Variants in ADAMTSL1 observed in about 807,000 individuals in gnomAD.
The protein encoded by ADAMTSL1 is ADAMTS like 1.
In ADAMTSL1, 126 loss-of-function variants were observed where a neutral mutation model predicts 201.8. The ratio of observed to expected loss-of-function variants is 0.62; its 90% CI spans 0.54 to 0.72. The LOEUF (loss-of-function observed/expected upper bound fraction) is 0.72. Ranked by LOEUF, ADAMTSL1 falls within the 30% of genes least tolerant of loss-of-function variation. The pLI is 0.00. For synonymous variants in ADAMTSL1, 1,121 were observed against 903.4 expected, an observed-to-expected ratio of 1.24 and a Z score of -4.32; for missense variants, 2,679 against 2,277.8, an observed-to-expected ratio of 1.18 and a Z score of -3.59.
intron 2 of ADAMTSL1, among the ~76,000 whole-genome samples, chr9:18,258,915 A>G (rs1390263351): frequency 6.6e-6 from 1 of 152,124 alleles, no homozygotes; most frequent in Non-Finnish European, 1.5e-5. Flanking sequence ...GTCAGCAATG[A>G]CCTTCATCTT....
chr9:17,966,594 G>T (rs1046414248), intron 1 of ADAMTSL1, among the ~76,000 whole-genome samples: 39 of 152,176 alleles, frequency 2.6e-4, no homozygotes, highest in African/African-American at 9.1e-4. Context: ...ATATAGTTTA[G>T]TCTTGCCCTT....
At chr9:18,309,594 A>T (rs1834036950) in intron 2 of ADAMTSL1, among the ~76,000 whole-genome samples, 1 of 152,142 alleles carries the variant, frequency 6.6e-6, no homozygotes, top group Non-Finnish European at 1.5e-5. Context: ...AAATTGCTAC[A>T]AAGAGAATAA....
chr9:18,630,587 G>A (rs1826695968), intron 5 of ADAMTSL1, among the ~76,000 whole-genome samples: 1 of 152,138 alleles, frequency 6.6e-6, no homozygotes, highest in African/African-American at 2.4e-5. Context: ...TGTAGCCTAG[G>A]AACTCTATCA....
intron 2 of ADAMTSL1, among the ~76,000 whole-genome samples, chr9:18,226,896 TATAAA>T (rs1348432748): frequency 1.3e-5 from 2 of 152,130 alleles, no homozygotes; most frequent in Non-Finnish European, 2.9e-5. Context: ...TTGACACAGT[TATAAA>T]ATATAATTTT....
Position 18,533,257 on chromosome 9 carries a change from G to A in ADAMTSL1, c.202G>A (p.Gly68Arg). ...CTTTTTGCAACTTAGGAGCTGTGAAGGAAGAAATATCCGATACAGAACATG... is the reference window on the plus strand; with the variant it reads ...CTTTTTGCAACTTAGGAGCTGTGAAAGAAGAAATATCCGATACAGAACATG... ...RRCLSSKSCE[G>R]RNIRYRTCSN... The change falls in exon 3 of 29, where the codon GGA becomes AGA. Residue 68 changes from glycine to arginine, a missense_variant. Transcript: ENST00000380548. The A allele has an allele frequency of 6.2e-7, 1 of 1,606,212 alleles. No homozygotes were observed.
intron 1 of ADAMTSL1, among the ~76,000 whole-genome samples, chr9:18,048,720 A>T (rs1464303521): frequency 6.6e-6 from 1 of 152,190 alleles, no homozygotes; most frequent in African/African-American, 2.4e-5. Context: ...AGACATCGTG[A>T]GTTGCTTTCC....
chr9:18,894,791 G>C (rs1391976574), intron 26 of ADAMTSL1, among the ~76,000 whole-genome samples: 1 of 152,134 alleles, frequency 6.6e-6, no homozygotes, highest in Non-Finnish European at 1.5e-5. Context: ...TGGTGGCTAA[G>C]AATCATAGAT....
At chr9:18,737,001 C>G (rs1289587847) in intron 15 of ADAMTSL1, among the ~76,000 whole-genome samples, 2 of 152,186 alleles carry the variant, frequency 1.3e-5, no homozygotes, top group African/African-American at 2.4e-5. Context: ...ATAGAACTCT[C>G]TCTGCCTGAA....
chr9:18,405,774 A>G (rs935170236), intron 2 of ADAMTSL1, among the ~76,000 whole-genome samples: 2 of 152,232 alleles, frequency 1.3e-5, no homozygotes, highest in South Asian at 4.1e-4. Context: ...CTTTAAAAAG[A>G]CAGGGAGGAA....
At chr9:18,437,139 G>A (rs770986929) in intron 2 of ADAMTSL1, among the ~76,000 whole-genome samples, 1 of 151,800 alleles carries the variant, frequency 6.6e-6, no homozygotes, top group Non-Finnish European at 1.5e-5. Flanking sequence ...GACACTCTGC[G>A]CATCAAAACT....
chr9:18,756,862 G>A (rs533472165), intron 16 of ADAMTSL1, among the ~76,000 whole-genome samples: 3 of 152,280 alleles, frequency 2.0e-5, no homozygotes, highest in African/African-American at 7.2e-5. Context: ...TCTCTTTCTG[G>A]GGGGAAGAAA....
intron 2 of ADAMTSL1, among the ~76,000 whole-genome samples, chr9:18,324,602 TAAAA>T (rs759235848): frequency 6.6e-6 from 1 of 151,838 alleles, no homozygotes; most frequent in Non-Finnish European, 1.5e-5. Flanking sequence ...TCGTCTCTAC[TAAAA>T]ATACAAAATT....
intron 2 of ADAMTSL1, among the ~76,000 whole-genome samples, chr9:18,212,624 C>T (rs923181470): frequency 2.0e-5 from 3 of 152,110 alleles, no homozygotes; most frequent in Admixed American, 6.5e-5. Context: ...ATTGCAAATC[C>T]ATATGCAAAT....
intron 2 of ADAMTSL1, among the ~76,000 whole-genome samples, chr9:18,337,881 G>C (rs1043589007): frequency 4.6e-5 from 7 of 152,088 alleles, no homozygotes; most frequent in Non-Finnish European, 1.5e-5. Flanking sequence ...TTGGAAATCA[G>C]CCAAACTTTC....
intron 1 of ADAMTSL1, among the ~76,000 whole-genome samples, chr9:17,991,309 A>G (rs1229171620): frequency 1.3e-5 from 2 of 152,166 alleles, no homozygotes; most frequent in East Asian, 3.9e-4. Context: ...ATCTATGACC[A>G]TCTATTTAAA....
chr9:18,465,802 G>A (rs938058961), intron 2 of ADAMTSL1, among the ~76,000 whole-genome samples: 2 of 152,234 alleles, frequency 1.3e-5, no homozygotes, highest in Non-Finnish European at 1.5e-5. Flanking sequence ...AGGCTGGGGT[G>A]CAGTGGCACG....
rs186504878 is a variant in ADAMTSL1 at position 18,746,589 on chromosome 9, C to T, written c.2007-6709C>T. On this transcript the variant is annotated intron_variant, in intron 15 of 28. Coordinates refer to ENST00000380548, the MANE Select transcript of ADAMTSL1 (RefSeq NM_001040272.6). ...TAAAGAAAAACTTTGCTGCAAAAGT[C>T]GAGGTAAAAGAAGGTTCTTAGGGCA... 7.7e-4 allele frequency among the ~76,000 whole-genome samples: 117 copies of T among 152,156 alleles called. 3 individuals are homozygous for T. The highest frequency in any genetic ancestry group is 6.8e-3 in the Middle Eastern group (2 of 294).
intron 15 of ADAMTSL1, among the ~76,000 whole-genome samples, chr9:18,750,221 A>G (rs1819388617): frequency 6.6e-6 from 1 of 152,166 alleles, no homozygotes; most frequent in Non-Finnish European, 1.5e-5. Flanking sequence ...TTTTCATAAA[A>G]TGGACCCAGA....
intron 2 of ADAMTSL1, among the ~76,000 whole-genome samples, chr9:18,231,418 T>G (rs749582576): frequency 6.6e-6 from 1 of 152,178 alleles, no homozygotes; most frequent in Non-Finnish European, 1.5e-5. Context: ...ACTTGACAGG[T>G]TGACCAACCC....
Sources: allele counts gnomAD v4.1 joint callset (sites outside exome capture counted in the v4.1 genomes callset), GRCh38; gene constraint gnomAD v4.1.1; transcripts MANE v1.5; gene names NCBI Gene and HGNC (gene_info 2026-07-23, HGNC 2026-07-21).